The following SRBD1 variants were observed in gnomAD, a reference collection of about 807,000 sequenced individuals.
SRBD1 encodes S1 RNA binding domain 1, also known as S1 RNA-binding domain-containing protein 1.
A neutral mutation model predicts 115.3 loss-of-function variants in SRBD1; 88 were observed. That is an observed-to-expected ratio of 0.76 (90% CI 0.64 to 0.91). SRBD1 has a LOEUF of 0.91. Among genes scored for constraint, SRBD1 ranks in the 40% least tolerant of loss-of-function variants. The pLI is 0.00. For synonymous variants in SRBD1, 509 were observed against 407.7 expected (o/e 1.25, Z -2.99); for missense variants, 1,385 against 1,177.4 (o/e 1.18, Z -2.58).
intron 16 of SRBD1, among the ~76,000 whole-genome samples, chr2:45,456,791 T>C (rs963707317): frequency 2.0e-5 from 3 of 151,908 alleles, no homozygotes; most frequent in Non-Finnish European, 4.4e-5. Context: ...AGTGAATTAA[T>C]TTTCCAAGGA....
intron 10 of SRBD1, among the ~76,000 whole-genome samples, chr2:45,559,052 A>G (rs1672576513): frequency 6.6e-6 from 1 of 152,044 alleles, no homozygotes. Flanking sequence ...TCCACCCACC[A>G]TTTAATCAGA....
intron 19 of SRBD1, among the ~76,000 whole-genome samples, chr2:45,411,459 G>A (rs1667600248): frequency 6.6e-6 from 1 of 152,146 alleles, no homozygotes; most frequent in Non-Finnish European, 1.5e-5. Context: ...GCTGAAAGAA[G>A]CCTTACACAG....
At chr2:45,604,441 G>T (rs1009167119) in intron 2 of SRBD1, among the ~76,000 whole-genome samples, 1 of 152,098 alleles carries the variant, frequency 6.6e-6, no homozygotes, top group Admixed American at 6.5e-5. Context: ...CCAACATTTA[G>T]AGGGTGGTGA....
At chr2:45,506,233 G>T (rs991694119) in intron 14 of SRBD1, among the ~76,000 whole-genome samples, 2 of 152,038 alleles carry the variant, frequency 1.3e-5, no homozygotes, top group Non-Finnish European at 2.9e-5. Context: ...TCCATCCATG[G>T]AAAAAGCAAA....
At chr2:45,522,442 T>G (rs1671314970) in intron 14 of SRBD1, among the ~76,000 whole-genome samples, 1 of 152,150 alleles carries the variant, frequency 6.6e-6, no homozygotes, top group Non-Finnish European at 1.5e-5. Flanking sequence ...CCTTCCAAAG[T>G]GCTGGGATTA....
intron 5 of SRBD1, among the ~76,000 whole-genome samples, chr2:45,585,147 C>T (rs554626994): frequency 9.7e-4 from 144 of 149,074 alleles, no homozygotes; most frequent in African/African-American, 3.5e-3. Flanking sequence ...AAGACTCTGT[C>T]TCCGAAAAAA....
chr2:45,488,470 C>T (rs1670188294), intron 14 of SRBD1, 139 bp from the exon 15 acceptor site: 1 of 599,962 alleles, frequency 1.7e-6, no homozygotes, highest in Non-Finnish European at 2.9e-6. Flanking sequence ...ATGATACTGA[C>T]AGCATCTAAT....
intron 16 of SRBD1, among the ~76,000 whole-genome samples, chr2:45,456,646 C>T (rs762293594): frequency 4.0e-5 from 6 of 151,692 alleles, no homozygotes; most frequent in Non-Finnish European, 8.8e-5. Context: ...TTTAAATAGC[C>T]CCAAATTACA....
chr2:45,404,246 C>A (rs553540860), intron 19 of SRBD1, among the ~76,000 whole-genome samples: 1 of 151,960 alleles, frequency 6.6e-6, no homozygotes, highest in Non-Finnish European at 1.5e-5. Context: ...TGGGGAGAGA[C>A]GGGTTCAGAT....
chr2:45,398,446 A>G (rs1043494092), intron 19 of SRBD1, among the ~76,000 whole-genome samples: 6 of 152,176 alleles, frequency 3.9e-5, no homozygotes, highest in African/African-American at 1.4e-4. Flanking sequence ...ACTTGGTATT[A>G]TAAGCATCAG....
chr2:45,549,402 G>A (rs1050130000), intron 12 of SRBD1, among the ~76,000 whole-genome samples: 6 of 151,246 alleles, frequency 4.0e-5, no homozygotes, highest in East Asian at 1.9e-4. Context: ...TCAAACTAAC[G>A]TATGTAAAAC....
chr2:45,547,593 A>G lies in SRBD1; in HGVS notation c.1695T>C (p.Asp565=). ...CTTGTCCACAATGCAAGTAAACCAC[A>G]TCAGTATGAAGTATCTGACCTTTAA... ...ISPTSQILHT[D]VVYLHCGQGF... The change falls in exon 13 of 21, where the codon GAT becomes GAC. Residue 565 remains aspartate (D), a synonymous_variant. Coordinates refer to ENST00000263736, the MANE Select transcript of SRBD1 (RefSeq NM_018079.5). 6.2e-7 allele frequency: 1 copy of G among 1,613,672 alleles called. No individual in the cohort carries two copies. The highest frequency in any genetic ancestry group is 8.5e-7 in the Non-Finnish European group (1 of 1,179,692).
intron 15 of SRBD1, among the ~76,000 whole-genome samples, chr2:45,483,658 T>A (rs948848955): frequency 6.6e-6 from 1 of 152,118 alleles, no homozygotes; most frequent in Non-Finnish European, 1.5e-5. Flanking sequence ...ATATTAGATA[T>A]CTGTATTTTT....
chr2:45,493,238 G>A (rs894226361), intron 14 of SRBD1, among the ~76,000 whole-genome samples: 4 of 152,244 alleles, frequency 2.6e-5, no homozygotes, highest in Admixed American at 2.6e-4. Context: ...GTTTCTCAAC[G>A]AGTAATACAA....
intron 16 of SRBD1, among the ~76,000 whole-genome samples, chr2:45,436,417 A>T (rs1349719665): frequency 6.6e-6 from 1 of 152,228 alleles, no homozygotes; most frequent in Non-Finnish European, 1.5e-5. Context: ...ATGCAGTAAG[A>T]AAAGAAAAGT....
intron 18 of SRBD1, among the ~76,000 whole-genome samples, chr2:45,418,054 C>T (rs1484808786): frequency 2.0e-5 from 3 of 152,202 alleles, no homozygotes; most frequent in Non-Finnish European, 2.9e-5. Flanking sequence ...TTGTATTACT[C>T]TCCTAAGACA....
chr2:45,414,488 G>C (rs1667706847), intron 18 of SRBD1, among the ~76,000 whole-genome samples: 1 of 144,652 alleles, frequency 6.9e-6, no homozygotes, highest in Admixed American at 6.9e-5. Context: ...TGTGTGTACA[G>C]TGTGTATATA....
rs148274395 is a variant in SRBD1 at position 45,502,317 on chromosome 2, C to T, written c.1875-13986G>A. On this transcript the variant is annotated intron_variant, in intron 14 of 20. Coordinates refer to ENST00000263736, the MANE Select transcript of SRBD1 (RefSeq NM_018079.5). ...GAAACACCATTTGATTTGACCCAGCCATCCCATTACTGGGTAGATACCCAA... is the reference window on the plus strand; with the variant it reads ...GAAACACCATTTGATTTGACCCAGCTATCCCATTACTGGGTAGATACCCAA... Among the ~76,000 whole-genome samples, 1,388 of 152,312 alleles carry T rather than the reference C, an allele frequency of 9.1e-3. 22 individuals are homozygous for T. The highest frequency in any genetic ancestry group is 0.031 in the African/African-American group (1,305 of 41,558).
At chr2:45,582,030 G>C (rs1246439231) in intron 5 of SRBD1, among the ~76,000 whole-genome samples, 5 of 152,066 alleles carry the variant, frequency 3.3e-5, no homozygotes, top group Non-Finnish European at 7.4e-5. Context: ...TCATTATCAG[G>C]TAATTAACAC....
Sources: gnomAD v4.1 joint callset for allele counts (sites outside exome capture counted in the v4.1 genomes callset) on GRCh38, gnomAD v4.1.1 for gene constraint, MANE v1.5 for transcripts, NCBI Gene and HGNC (gene_info 2026-07-23, HGNC 2026-07-21) for gene names.